Variants in NEU3 observed in about 807,000 individuals in gnomAD.
The protein encoded by NEU3 is sialidase-3.
Under a neutral mutation model 11.4 loss-of-function variants are expected in NEU3, and 10 were observed. The observed-to-expected ratio is 0.88, with a 90% CI of 0.54 to 1.49. The LOEUF (loss-of-function observed/expected upper bound fraction) is 1.49, where lower values mean the gene tolerates loss of function less well. Ranked by LOEUF, NEU3 falls within the 40% of genes most tolerant of loss-of-function variation. The probability of loss-of-function intolerance (pLI) is 0.00; values close to 1 mark genes in which losing one functional copy is unlikely to be tolerated. For missense variants in NEU3, 529 were observed against 581.8 expected, an observed-to-expected ratio of 0.91 and a Z score of 0.93; for synonymous variants, 212 against 228.2, an observed-to-expected ratio of 0.93 and a Z score of 0.64.
chr11:74,987,895 TTTC>T (rs1263008059), upstream of NEU3, among the ~76,000 whole-genome samples: 349 of 15,730 alleles, frequency 0.022, 43 homozygotes, highest in African/African-American at 0.047. Flanking sequence ...CCTTTTTTTT[TTTC>T]TTTTTTTTTT....
intron 1 of NEU3, among the ~76,000 whole-genome samples, chr11:74,993,266 C>A (rs1306193678): frequency 6.6e-6 from 1 of 152,120 alleles, no homozygotes; most frequent in East Asian, 1.9e-4. Flanking sequence ...TGCAGTGGGG[C>A]AATCTCAGCT....
downstream of NEU3, among the ~76,000 whole-genome samples, chr11:75,014,354 G>A (rs1755053616): frequency 6.6e-6 from 1 of 152,108 alleles, no homozygotes; most frequent in African/African-American, 2.4e-5. Flanking sequence ...TTCTGTTTGG[G>A]ACTACAGCCA....
At chr11:74,989,207 G>T in intron 1 of NEU3, 53 bp downstream of exon 1, 1 of 1,421,462 alleles carries the variant, frequency 7.0e-7, no homozygotes, top group Non-Finnish European at 9.7e-7. Flanking sequence ...CAACTGTGGG[G>T]ACAGGTTGAG....
chr11:75,000,799 T>TTATG (rs1948835716), intron 2 of NEU3, among the ~76,000 whole-genome samples: 1 of 149,670 alleles, frequency 6.7e-6, no homozygotes, highest in Non-Finnish European at 1.5e-5. Context: ...ATTTATTTAT[T>TTATG]TATTTATTTA....
At position 75,006,184 on chromosome 11, in the gene NEU3, T is replaced by A. The variant is rs754379276; in HGVS notation, c.1078T>A (p.Ser360Thr). 5 of 1,613,958 alleles carry A rather than the reference T, an allele frequency of 3.1e-6. No individual in the cohort carries two copies. In the East Asian group the frequency reaches 1.1e-4, roughly 36 times the overall value. ...LEEEAGTPSE[S>T]WLLYSHPTSR... ...GGAGGAAGCTGGAACACCGTCAGAATCATGGCTCTTGTACTCACACCCAAC... is the reference window on the plus strand; with the variant it reads ...GGAGGAAGCTGGAACACCGTCAGAAACATGGCTCTTGTACTCACACCCAAC... The change falls in exon 3 of 3, where the codon TCA (serine) becomes ACA (threonine). Residue 360 changes from serine to threonine, a missense_variant. Coordinates refer to ENST00000294064, the MANE Select transcript of NEU3 (RefSeq NM_006656.6).
upstream of NEU3, among the ~76,000 whole-genome samples, chr11:74,987,836 A>C (rs1343093120): frequency 2.0e-5 from 3 of 151,104 alleles, no homozygotes; most frequent in African/African-American, 4.9e-5. Context: ...AAAAATAAAA[A>C]AGACCCATTA....
intron 2 of NEU3, 36 bp downstream of exon 2, chr11:74,994,756 G>T (rs774958621): frequency 2.5e-6 from 4 of 1,571,728 alleles, no homozygotes; most frequent in Non-Finnish European, 3.5e-6. Context: ...CTGGGCCTCA[G>T]TTTCTCTTCA....
Position 75,005,604 on chromosome 11 carries a change from T to G in NEU3, c.498T>G (p.Asp166Glu). The change falls in exon 3 of 3, where the codon GAT becomes GAG. Residue 166 changes from aspartate (D) to glutamate (E), a missense_variant. Asp to Glu is a conservative substitution (Grantham distance 45, BLOSUM62 2). Transcript: ENST00000294064. Reference sequence around the variant, plus strand: ...GCCTTTGCTTCATCTACAGTCAGGATGCTGGATGTTCATGGAGTGAGGTGA... The same window carrying G: ...GCCTTTGCTTCATCTACAGTCAGGAGGCTGGATGTTCATGGAGTGAGGTGA... ...AARLCFIYSQ[D>E]AGCSWSEVRD... is the part of the protein sequence containing the mutation. 6.2e-7 allele frequency: 1 copy of G among 1,614,024 alleles called. No homozygotes were observed.
chr11:74,997,609 G>T (rs570362711), intron 2 of NEU3, among the ~76,000 whole-genome samples: 66 of 150,668 alleles, frequency 4.4e-4, no homozygotes, highest in Non-Finnish European at 8.4e-4. Flanking sequence ...ACTTTGGGAG[G>T]CCAAGGTAGG....
intron 2 of NEU3, among the ~76,000 whole-genome samples, chr11:74,995,788 GTATTATTAT>G (rs59676820): frequency 5.4e-5 from 8 of 147,348 alleles, no homozygotes; most frequent in East Asian, 2.0e-4. Context: ...AAGATTTAGT[GTATTATTAT>G]TATTATTATT....
chr11:75,003,887 CA>C (rs879624366), intron 2 of NEU3, among the ~76,000 whole-genome samples: 198 of 136,058 alleles, frequency 1.5e-3, no homozygotes, highest in African/African-American at 2.5e-3. Context: ...GACTCCATCT[CA>C]AAAAAAAAAA....
At position 74,989,052 on chromosome 11, in the gene NEU3, C is replaced by T. The variant is rs562171590; in HGVS notation, c.-9C>T. On this transcript the variant is annotated 5_prime_UTR_variant, in exon 1 of 3. Transcript: ENST00000294064. ...CCTTGGGGCCGGTGCCTCTTCCGGGCTTCGGCGAATGAGACCTGCGGACCT... is the reference window on the plus strand; with the variant it reads ...CCTTGGGGCCGGTGCCTCTTCCGGGTTTCGGCGAATGAGACCTGCGGACCT... 1 of 1,549,394 alleles carries T rather than the reference C, an allele frequency of 6.5e-7. No homozygotes were observed. The highest frequency in any genetic ancestry group is 2.0e-5 in the Admixed American group (1 of 50,960).
Position 75,005,399 on chromosome 11 carries a change from T to C in NEU3, c.307-14T>C, listed in dbSNP as rs758364294. The C allele has an allele frequency of 1.9e-6, 3 of 1,578,768 alleles. No individual in the cohort carries two copies. The highest frequency in any genetic ancestry group is 2.6e-6 in the Non-Finnish European group (3 of 1,161,772). On this transcript the variant is annotated splice_polypyrimidine_tract_variant and intron_variant, in intron 2 of 2. Transcript: ENST00000294064. ...TAGTATCTCACTCCTACTTTCTCCC[T>C]TCTCCTTGTCTAGTGGGGGCCCCTG...
chr11:74,999,687 A>G (rs1396567841), intron 2 of NEU3, among the ~76,000 whole-genome samples: 1 of 152,088 alleles, frequency 6.6e-6, no homozygotes, highest in Non-Finnish European at 1.5e-5. Context: ...TCCTTGCACA[A>G]CTCTTCAGGT....
At chr11:74,999,487 T>C (rs979818007) in intron 2 of NEU3, among the ~76,000 whole-genome samples, 1 of 152,246 alleles carries the variant, frequency 6.6e-6, no homozygotes, top group Non-Finnish European at 1.5e-5. Context: ...TATAGAAATC[T>C]GTATTCTATT....
At position 75,008,978 on chromosome 11, in the gene NEU3, C is replaced by T. The variant is rs1948928602; in HGVS notation, c.*2486C>T. On this transcript the variant is annotated 3_prime_UTR_variant, in exon 3 of 3. Coordinates refer to ENST00000294064, the MANE Select transcript of NEU3 (RefSeq NM_006656.6). ...AAGAGGTCCATCTCTAAATTGCCCT[C>T]CTCTTACTTCTTCCCCCTGCCTCAT... The T allele has an allele frequency of 6.6e-6, 1 of 152,256 alleles. No homozygotes were observed. The highest frequency in any genetic ancestry group is 2.1e-4 in the South Asian group (1 of 4,828). The allele number at this position is 152,256 out of a possible 1,614,324, so 9.4% of individuals were successfully genotyped here. A position where few individuals can be genotyped will look rare whatever the true frequency, so the allele number is the denominator to read the frequency against.
intron 2 of NEU3, among the ~76,000 whole-genome samples, chr11:75,002,394 A>G (rs1565496247): frequency 6.6e-6 from 1 of 152,180 alleles, no homozygotes; most frequent in Non-Finnish European, 1.5e-5. Context: ...TAGTTAATAC[A>G]TTTCATATAG....
chr11:74,994,858 A>G (rs1948772297), intron 2 of NEU3, 138 bp downstream of exon 2: 2 of 794,522 alleles, frequency 2.5e-6, no homozygotes. Flanking sequence ...CAGCAAAAAC[A>G]ATGGCTCTCA....
chr11:74,982,504 C>T, the NEU3 span, among the ~76,000 whole-genome samples: 543 of 152,286 alleles, frequency 3.6e-3, 3 homozygotes, highest in African/African-American at 0.013. Flanking sequence ...TCCAGTGGGT[C>T]ACCTTCGACA....
Sources: allele counts gnomAD v4.1 joint callset (sites outside exome capture counted in the v4.1 genomes callset), GRCh38; gene constraint gnomAD v4.1.1; transcripts MANE v1.5; gene names NCBI Gene and HGNC (gene_info 2026-07-23, HGNC 2026-07-21).